The following MACROD2 variants were observed in gnomAD, a reference collection of about 807,000 sequenced individuals.
MACROD2 encodes the protein mono-ADP ribosylhydrolase 2, also known as ADP-ribose glycohydrolase MACROD2.
A neutral mutation model predicts 70.4 loss-of-function variants in MACROD2; 36 were observed. The ratio of observed to expected loss-of-function variants is 0.51; its 90% CI spans 0.39 to 0.68. The LOEUF (loss-of-function observed/expected upper bound fraction) is 0.68. Among genes scored for constraint, MACROD2 ranks in the 30% least tolerant of loss-of-function variants. The probability of loss-of-function intolerance (pLI) is 0.00; values close to 1 mark genes in which losing one functional copy is unlikely to be tolerated. For synonymous variants in MACROD2, 172 were observed against 178.8 expected (o/e 0.96, Z 0.30); for missense variants, 496 against 538.4 (o/e 0.92, Z 0.78).
intron 5 of MACROD2, among the ~76,000 whole-genome samples, chr20:15,092,034 G>A (rs978605166): frequency 6.6e-6 from 1 of 152,140 alleles, no homozygotes; most frequent in Non-Finnish European, 1.5e-5. Flanking sequence ...TGAGGTCATT[G>A]TGTATGCACA....
chr20:14,047,056 G>C (rs2148644921), intron 2 of MACROD2, among the ~76,000 whole-genome samples: 1 of 152,190 alleles, frequency 6.6e-6, no homozygotes, highest in East Asian at 1.9e-4. Context: ...ACAAATTACA[G>C]ATGAGTATAT....
At chr20:15,663,225 G>A (rs889362033) in intron 8 of MACROD2, among the ~76,000 whole-genome samples, 5 of 141,084 alleles carry the variant, frequency 3.5e-5, no homozygotes, top group African/African-American at 5.2e-5. Flanking sequence ...AGAGAAGTCA[G>A]AATTTGATTT....
chr20:15,262,533 T>C (rs138397080), intron 6 of MACROD2, among the ~76,000 whole-genome samples: 3 of 152,198 alleles, frequency 2.0e-5, no homozygotes, highest in East Asian at 1.9e-4. Context: ...CCTTTTGATA[T>C]ACTGATTTCC....
chr20:14,409,147 CTT>C (rs11425504), intron 3 of MACROD2, among the ~76,000 whole-genome samples: 8 of 127,576 alleles, frequency 6.3e-5, no homozygotes, highest in Non-Finnish European at 9.8e-5. Flanking sequence ...TCTGTTTTGG[CTT>C]TTTTTTTTTT....
rs563968614 is a variant in MACROD2, at chr20:15,353,974, A to G, written c.541-77431A>G. Among the ~76,000 whole-genome samples the G allele has an allele frequency of 7.2e-4, 105 of 145,150 alleles. 1 individual carries two copies. Among genetic ancestry groups the G allele is most frequent in the Non-Finnish European group, 1.4e-3 (91 of 66,544 alleles). On this transcript the variant is annotated intron_variant, in intron 6 of 17. Coordinates refer to ENST00000684519, the MANE Select transcript of MACROD2 (RefSeq NM_001351661.2). ...TCAGGGATCTAGAACTAGAAATACC[A>G]TTTGACCCAGCCATCCCATTACTGG...
chr20:14,962,576 G>A (rs2074594328), intron 5 of MACROD2, among the ~76,000 whole-genome samples: 1 of 149,230 alleles, frequency 6.7e-6, no homozygotes, highest in South Asian at 2.1e-4. Context: ...TGTATGAAAA[G>A]TTACGCTATA....
intron 5 of MACROD2, among the ~76,000 whole-genome samples, chr20:14,908,831 T>C (rs1052314851): frequency 2.0e-5 from 3 of 152,202 alleles, no homozygotes; most frequent in Admixed American, 2.0e-4. Context: ...TTAATTTGGC[T>C]CCTGCTTTGT....
At chr20:14,648,205 A>G (rs1007025892) in intron 4 of MACROD2, among the ~76,000 whole-genome samples, 1 of 152,188 alleles carries the variant, frequency 6.6e-6, no homozygotes, top group Non-Finnish European at 1.5e-5. Flanking sequence ...GAACAAAGGA[A>G]CCTAAAGATC....
At chr20:15,129,773 G>A (rs868170579) in intron 5 of MACROD2, among the ~76,000 whole-genome samples, 6 of 152,124 alleles carry the variant, frequency 3.9e-5, no homozygotes, top group African/African-American at 9.6e-5. Flanking sequence ...AAGGCAGAAT[G>A]GGCTTGGTGA....
chr20:15,434,541 T>G (rs2046404404), intron 7 of MACROD2, among the ~76,000 whole-genome samples: 1 of 151,964 alleles, frequency 6.6e-6, no homozygotes, highest in African/African-American at 2.4e-5. Context: ...GTGGATGTGG[T>G]GGAAAGGGAA....
chr20:14,075,827 G>GA (rs1459349222), intron 2 of MACROD2, among the ~76,000 whole-genome samples: 3 of 152,102 alleles, frequency 2.0e-5, no homozygotes, highest in Admixed American at 6.6e-5. Context: ...GGCTATAAAG[G>GA]AAAAAACACT....
intron 5 of MACROD2, among the ~76,000 whole-genome samples, chr20:15,021,840 A>G (rs2075188830): frequency 1.3e-5 from 2 of 152,038 alleles, no homozygotes; most frequent in Non-Finnish European, 2.9e-5. Context: ...TAAACTATGG[A>G]CTTTAGTTAA....
chr20:16,006,497 A>G (rs1601313172), intron 15 of MACROD2, among the ~76,000 whole-genome samples: 1 of 152,152 alleles, frequency 6.6e-6, no homozygotes, highest in East Asian at 1.9e-4. Flanking sequence ...TGATTCCTGA[A>G]TAGCCACATG....
intron 7 of MACROD2, among the ~76,000 whole-genome samples, chr20:15,437,129 T>C (rs1478761732): frequency 1.3e-5 from 2 of 152,190 alleles, no homozygotes; most frequent in Non-Finnish European, 2.9e-5. Context: ...AATTTATATA[T>C]GCCTTTTCCT....
At chr20:15,348,709 A>T (rs1233592563) in intron 6 of MACROD2, among the ~76,000 whole-genome samples, 3 of 152,180 alleles carry the variant, frequency 2.0e-5, no homozygotes, top group African/African-American at 4.8e-5. Flanking sequence ...ACTCCCTTTT[A>T]TAAAACCATA....
chr20:15,989,758 C>A (rs1164681340), intron 15 of MACROD2, among the ~76,000 whole-genome samples: 1 of 151,544 alleles, frequency 6.6e-6, no homozygotes, highest in Non-Finnish European at 1.5e-5. Flanking sequence ...TAAAGATATT[C>A]TTTATAGCTT....
intron 3 of MACROD2, among the ~76,000 whole-genome samples, chr20:14,213,516 A>G (rs894496008): frequency 4.0e-5 from 6 of 151,814 alleles, no homozygotes; most frequent in African/African-American, 1.2e-4. Context: ...GACTTTAGTA[A>G]CAAATTTAAA....
Position 14,198,020 on chromosome 20 carries a change from C to G in MACROD2, c.271+112292C>G, listed in dbSNP as rs576767934. Reference sequence around the variant, plus strand: ...TAATTATTTTCCCTTTTGTACTTCACAGGGTGGGGAATGGTGGAGAATGCT... The same window carrying G: ...TAATTATTTTCCCTTTTGTACTTCAGAGGGTGGGGAATGGTGGAGAATGCT... On this transcript the variant is annotated intron_variant, in intron 3 of 17. Coordinates refer to ENST00000684519, the MANE Select transcript of MACROD2 (RefSeq NM_001351661.2). Among the ~76,000 whole-genome samples the G allele has an allele frequency of 2.0e-5, 3 of 152,212 alleles. No individual in the cohort carries two copies. The South Asian group carries it at 6.2e-4, about 32-fold the overall frequency.
intron 5 of MACROD2, among the ~76,000 whole-genome samples, chr20:15,031,967 C>G (rs1044522044): frequency 6.6e-6 from 1 of 152,288 alleles, no homozygotes; most frequent in East Asian, 1.9e-4. Context: ...CCGAGCTGAC[C>G]GCCCCCGCTG....
Sources: gnomAD v4.1 joint callset for allele counts (sites outside exome capture counted in the v4.1 genomes callset) on GRCh38, gnomAD v4.1.1 for gene constraint, MANE v1.5 for transcripts, NCBI Gene and HGNC (gene_info 2026-07-23, HGNC 2026-07-21) for gene names.